The following SNTG1 variants were observed in gnomAD, a reference collection of about 807,000 sequenced individuals.
SNTG1 encodes syntrophin gamma 1.
In SNTG1, 39 loss-of-function variants were observed where a neutral mutation model predicts 74.7. That is an observed-to-expected ratio of 0.52 (90% CI 0.40 to 0.68). The LOEUF (loss-of-function observed/expected upper bound fraction) is 0.68, where lower values mean the gene tolerates loss of function less well. Among genes scored for constraint, SNTG1 ranks in the 30% least tolerant of loss-of-function variants. The pLI is 0.00. For missense variants in SNTG1, 685 were observed against 609.5 expected (o/e 1.12, Z -1.30); for synonymous variants, 254 against 217.1 (o/e 1.17, Z -1.49).
intron 2 of SNTG1, among the ~76,000 whole-genome samples, chr8:50,199,090 G>T (rs778320630): frequency 6.6e-6 from 1 of 152,042 alleles, no homozygotes. Flanking sequence ...TGAAGACGGT[G>T]GAAGATAGTT....
intron 4 of SNTG1, 121 bp from the exon 5 acceptor site, chr8:50,438,422 G>A (rs2093326700): frequency 4.2e-6 from 3 of 718,924 alleles, no homozygotes; most frequent in Non-Finnish European, 7.2e-6. Flanking sequence ...GCACAGAAGA[G>A]TTCTCTTTTG....
At chr8:50,693,734 T>A (rs1021824708) in intron 15 of SNTG1, among the ~76,000 whole-genome samples, 1 of 152,166 alleles carries the variant, frequency 6.6e-6, no homozygotes, top group Admixed American at 6.6e-5. Context: ...TCAGCAAATT[T>A]ATGAAGATTA....
chr8:50,109,717 T>A (rs2080508766), intron 1 of SNTG1, among the ~76,000 whole-genome samples: 1 of 152,062 alleles, frequency 6.6e-6, no homozygotes, highest in African/African-American at 2.4e-5. Context: ...TTCTACTAAG[T>A]GACAATTCAA....
intron 2 of SNTG1, among the ~76,000 whole-genome samples, chr8:50,244,366 G>A (rs2086296585): frequency 6.6e-6 from 1 of 152,102 alleles, no homozygotes; most frequent in African/African-American, 2.4e-5. Context: ...AGTAAGTGGG[G>A]AGATTCTTTT....
chr8:50,306,165 G>T (rs2089888806), intron 2 of SNTG1, among the ~76,000 whole-genome samples: 2 of 147,014 alleles, frequency 1.4e-5, no homozygotes, highest in South Asian at 4.3e-4. Context: ...TTCCATTTTT[G>T]AATACTTTCC....
chr8:50,483,477 G>A (rs1318679651), intron 8 of SNTG1, among the ~76,000 whole-genome samples: 1 of 151,950 alleles, frequency 6.6e-6, no homozygotes, highest in Non-Finnish European at 1.5e-5. Context: ...TTCTCCCTAT[G>A]CAGGCTTCAG....
At chr8:50,517,616 C>CAAAAAAAAAAAA (rs1161724778) in intron 9 of SNTG1, among the ~76,000 whole-genome samples, 25 of 62,324 alleles carry the variant, frequency 4.0e-4, no homozygotes, top group Admixed American at 6.1e-4. Context: ...AAATGGAAAG[C>CAAAAAAAAAAAA]AAAAAAAAAA....
chr8:50,594,125 G>A (rs1263476959), intron 13 of SNTG1, among the ~76,000 whole-genome samples: 1 of 152,154 alleles, frequency 6.6e-6, no homozygotes, highest in African/African-American at 2.4e-5. Context: ...GAACAAAACA[G>A]GGATAACTGA....
chr8:50,379,175 T>C (rs1031255950), intron 2 of SNTG1, among the ~76,000 whole-genome samples: 1 of 152,184 alleles, frequency 6.6e-6, no homozygotes, highest in Non-Finnish European at 1.5e-5. Flanking sequence ...AAAGGGCTGG[T>C]GTGGCAGCAT....
chr8:50,225,363 T>C lies in SNTG1; in HGVS notation c.-28+52728T>C, dbSNP rs78627063. Among the ~76,000 whole-genome samples, 362 of 152,270 alleles carry C rather than the reference T, an allele frequency of 2.4e-3. 4 individuals carry two copies. The highest frequency in any genetic ancestry group is 8.4e-3 in the African/African-American group (351 of 41,548). On this transcript the variant is annotated intron_variant, in intron 2 of 18. Transcript: ENST00000642720. Reference sequence around the variant, plus strand: ...CCCTTATCTTAACCCAGACACTTATTTCGGTTGGTTCCAGGTCTTTAGATA... The same window carrying C: ...CCCTTATCTTAACCCAGACACTTATCTCGGTTGGTTCCAGGTCTTTAGATA...
At chr8:50,105,696 C>A (rs1230513932) in intron 1 of SNTG1, among the ~76,000 whole-genome samples, 1 of 151,958 alleles carries the variant, frequency 6.6e-6, no homozygotes, top group East Asian at 1.9e-4. Context: ...TGTGATGTCT[C>A]TGATTTCTTT....
intron 2 of SNTG1, among the ~76,000 whole-genome samples, chr8:50,385,153 A>G (rs993426294): frequency 1.3e-5 from 2 of 152,150 alleles, no homozygotes; most frequent in African/African-American, 4.8e-5. Flanking sequence ...TCTGCGTCAT[A>G]TGTTCCAAGT....
chr8:50,013,746 T>C (rs1441600022), intron 1 of SNTG1, among the ~76,000 whole-genome samples: 1 of 152,114 alleles, frequency 6.6e-6, no homozygotes, highest in Non-Finnish European at 1.5e-5. Flanking sequence ...TATAATTGTA[T>C]AAAACTTCAC....
At chr8:50,355,078 G>A (rs2091780538) in intron 2 of SNTG1, among the ~76,000 whole-genome samples, 1 of 152,036 alleles carries the variant, frequency 6.6e-6, no homozygotes, top group South Asian at 2.1e-4. Context: ...GGGGAGGTGT[G>A]GAAGGCTATT....
Position 49,925,444 on chromosome 8 carries a change from A to ATCTGTCTG in SNTG1, c.-103+13236_-103+13243dup, listed in dbSNP as rs113098707. On this transcript the variant is annotated intron_variant, in intron 1 of 18. Coordinates refer to ENST00000642720, the MANE Select transcript of SNTG1 (RefSeq NM_018967.5). The stretch of plus-strand genomic sequence containing the variant: ...TGAACTAATTTGCCTGTGTGTGTGT[A>ATCTGTCTG]TCTGTCTGTCTGTCTGTCTGTCTGT... 3.2e-3 allele frequency among the ~76,000 whole-genome samples: 493 copies of ATCTGTCTG among 151,760 alleles called. 1 individual carries two copies. Among genetic ancestry groups the ATCTGTCTG allele is most frequent in the Non-Finnish European group, 5.1e-3 (346 of 67,876 alleles).
chr8:50,665,024 T>A (rs1260120431), intron 15 of SNTG1, among the ~76,000 whole-genome samples: 1 of 152,176 alleles, frequency 6.6e-6, no homozygotes, highest in Non-Finnish European at 1.5e-5. Context: ...TGACAGAGAT[T>A]ATTTTTTTAA....
chr8:49,939,318 A>C (rs1012831351), intron 1 of SNTG1, among the ~76,000 whole-genome samples: 6 of 152,304 alleles, frequency 3.9e-5, no homozygotes, highest in Admixed American at 1.3e-4. Flanking sequence ...ATTTTCTTTC[A>C]ACCATTAGGC....
At chr8:49,968,903 G>C (rs919941948) in intron 1 of SNTG1, among the ~76,000 whole-genome samples, 1 of 152,154 alleles carries the variant, frequency 6.6e-6, no homozygotes, top group South Asian at 2.1e-4. Context: ...TACAGGCAAA[G>C]GGCGATACTG....
intron 8 of SNTG1, among the ~76,000 whole-genome samples, chr8:50,464,393 AT>A (rs2131702805): frequency 6.6e-6 from 1 of 152,154 alleles, no homozygotes; most frequent in Admixed American, 6.5e-5. Context: ...AGGTGTGGGA[AT>A]TTTCCTTTCA....
Sources: gnomAD v4.1 joint callset for allele counts (sites outside exome capture counted in the v4.1 genomes callset) on GRCh38, gnomAD v4.1.1 for gene constraint, MANE v1.5 for transcripts, NCBI Gene and HGNC (gene_info 2026-07-23, HGNC 2026-07-21) for gene names.